RABAC1: variants seen among roughly 807,000 people sequenced by gnomAD.
The protein encoded by RABAC1 is prenylated Rab acceptor protein 1.
In RABAC1, 16 loss-of-function variants were observed where a neutral mutation model predicts 22.9. The observed-to-expected ratio is 0.70, with a 90% CI of 0.47 to 1.06. RABAC1 has a LOEUF of 1.06. Ranked by LOEUF, RABAC1 falls within the 50% of genes least tolerant of loss-of-function variation. The pLI, the probability that RABAC1 is intolerant of heterozygous loss-of-function variation, is 0.00. For synonymous variants in RABAC1, 139 were observed against 107.7 expected (o/e 1.29, Z -1.80); for missense variants, 227 against 246.5 (o/e 0.92, Z 0.53).
chr19:41,958,532 G>C (rs1429217078), intron 2 of RABAC1, 149 bp from the exon 3 acceptor site: 3 of 919,842 alleles, frequency 3.3e-6, no homozygotes, highest in Admixed American at 2.2e-5. Flanking sequence ...TCCTGGCCAG[G>C]GTGATGGTGG....
intron 3 of RABAC1, 64 bp downstream of exon 3, chr19:41,958,222 G>T: frequency 6.8e-7 from 1 of 1,473,450 alleles, no homozygotes; most frequent in Non-Finnish European, 9.3e-7. Flanking sequence ...TCTGAGGTCT[G>T]TCTGCATTCC....
rs1555856789 is a variant in RABAC1, at chr19:41,957,044, G to A, written c.443C>T (p.Ala148Val). Residue 148 changes from alanine (A) to valine (V), a missense_variant, in exon 4 of 5, where the codon GCG (alanine) becomes GTG (valine). Ala to Val is a moderately conservative substitution (Grantham distance 64). Transcript: ENST00000222008. ...ISFPFFWLAG[A>V]GSAVFWVLGA... Reference sequence around the variant, plus strand: ...CAGCACCCAGAAGACGGCCGAGCCCGCACCAGCCAGCCAGAAGAAGGGGAA... The same window carrying A: ...CAGCACCCAGAAGACGGCCGAGCCCACACCAGCCAGCCAGAAGAAGGGGAA... 9.3e-6 allele frequency: 15 copies of A among 1,613,710 alleles called. No individual in the cohort carries two copies. The highest frequency in any genetic ancestry group is 2.2e-5 in the East Asian group (1 of 44,898).
At chr19:41,958,995 A>T in intron 1 of RABAC1, 47 bp from the exon 2 acceptor site, 1 of 1,497,710 alleles carries the variant, frequency 6.7e-7, no homozygotes, top group Non-Finnish European at 8.9e-7. Context: ...ATGGAGCCCC[A>T]GACCCCCGCA....
Position 41,957,058 on chromosome 19 carries a change from G to A in RABAC1, c.429C>T (p.Phe143=). 6.2e-7 allele frequency: 1 copy of A among 1,613,856 alleles called. No individual in the cohort carries two copies. Among genetic ancestry groups the A allele is most frequent in the South Asian group, 1.1e-5 (1 of 91,080 alleles). Residue 143 remains phenylalanine (F), a synonymous_variant, in exon 4 of 5, where the codon TTC becomes TTT. Coordinates refer to ENST00000222008, the MANE Select transcript of RABAC1 (RefSeq NM_006423.3). ...ALAGGISFPF[F]WLAGAGSAVF... ...CGGCCGAGCCCGCACCAGCCAGCCA[G>A]AAGAAGGGGAAGGAGATGCCTCCAG...
chr19:41,957,149 C>G, intron 3 of RABAC1, 30 bp from the exon 4 acceptor site: 1 of 1,576,880 alleles, frequency 6.3e-7, no homozygotes, highest in Non-Finnish European at 8.7e-7. Flanking sequence ...GGGTGCTGTT[C>G]CGACTCTCCA....
chr19:41,958,125 T>G, intron 3 of RABAC1, 161 bp downstream of exon 3: 3 of 641,940 alleles, frequency 4.7e-6, no homozygotes, highest in Non-Finnish European at 5.5e-6. Context: ...ATCGGTTGTG[T>G]CTGAGATTTT....
In RABAC1 at chr19:41,956,749, G is replaced by T; in HGVS notation, c.*97C>A. ...GGATCCCTCCCCGGGCTTGTGATGGGACGGCGCTGTGGGCCCGAGCAGCAG... is the reference window on the plus strand; with the variant it reads ...GGATCCCTCCCCGGGCTTGTGATGGTACGGCGCTGTGGGCCCGAGCAGCAG... On this transcript the variant is annotated 3_prime_UTR_variant, in exon 5 of 5. Transcript: ENST00000222008. 8.8e-7 allele frequency: 1 copy of T among 1,142,238 alleles called. No individual in the cohort carries two copies. The highest frequency in any genetic ancestry group is 1.2e-6 in the Non-Finnish European group (1 of 810,708). 70.8% of individuals were successfully genotyped at this position (1,142,238 alleles called of 1,614,324 possible). A position where few individuals can be genotyped will look rare whatever the true frequency, so the allele number is the denominator to read the frequency against.
At chr19:41,957,285 G>A in intron 3 of RABAC1, 166 bp from the exon 4 acceptor site, 1 of 615,806 alleles carries the variant, frequency 1.6e-6, no homozygotes, top group Non-Finnish European at 2.9e-6. Context: ...TTCCCCTGCT[G>A]TCCCCACTGC....
chr19:41,959,116 G>C, intron 1 of RABAC1, 121 bp downstream of exon 1: 3 of 1,433,998 alleles, frequency 2.1e-6, no homozygotes, highest in Middle Eastern at 4.4e-4. Context: ...AGAGGAGACC[G>C]GGGCCAACAC....
intron 2 of RABAC1, among the ~76,000 whole-genome samples, 173 bp downstream of exon 2, chr19:41,958,563 G>A (rs1230217397): frequency 6.6e-6 from 1 of 152,164 alleles, no homozygotes; most frequent in East Asian, 1.9e-4. Context: ...CTGGCCCTTT[G>A]GTGACAAGGT....
In RABAC1 at chr19:41,956,765, C is replaced by T; in HGVS notation, c.*81G>A. 6.0e-6 allele frequency: 8 copies of T among 1,330,864 alleles called. No individual in the cohort carries two copies. The highest frequency in any genetic ancestry group is 4.9e-5 in the East Asian group (2 of 41,056). 82.4% of individuals were successfully genotyped at this position (1,330,864 alleles called of 1,614,324 possible). Reference sequence around the variant, plus strand: ...TTGTGATGGGACGGCGCTGTGGGCCCGAGCAGCAGAGCCGTGCAGGACAGG... The same window carrying T: ...TTGTGATGGGACGGCGCTGTGGGCCTGAGCAGCAGAGCCGTGCAGGACAGG... On this transcript the variant is annotated 3_prime_UTR_variant, in exon 5 of 5. Transcript: ENST00000222008.
At chr19:41,959,019 A>C (rs2075003664) in intron 1 of RABAC1, 71 bp from the exon 2 acceptor site, 1 of 1,448,702 alleles carries the variant, frequency 6.9e-7, no homozygotes, top group Admixed American at 2.3e-5. Flanking sequence ...GAAGGGGACT[A>C]AGGGTGCCTG....
In RABAC1 at chr19:41,956,849, C is replaced by T; in HGVS notation, c.555G>A (p.Val185=). The change falls in exon 5 of 5, where the codon GTG becomes GTA. Residue 185 remains valine (V), a synonymous_variant. Transcript: ENST00000222008. ...CCGGCAGGTCCCAGAAGACACCTCA[C>T]ACGGGTTCCATCTGCAGCTCCTCCC... ...VDGEELQMEP[V] is the part of the protein sequence containing the mutation. The T allele has an allele frequency of 4.3e-6, 7 of 1,610,056 alleles. No individual in the cohort carries two copies. Among genetic ancestry groups the T allele is most frequent in the Non-Finnish European group, 5.9e-6 (7 of 1,178,376 alleles).
rs1555857148 is a variant in RABAC1, at chr19:41,958,809, G to A, written c.196C>T (p.Arg66Cys). 6.2e-7 allele frequency: 1 copy of A among 1,611,700 alleles called. No homozygotes were observed. The highest frequency in any genetic ancestry group is 8.5e-7 in the Non-Finnish European group (1 of 1,179,838). Residue 66 changes from arginine (R) to cysteine (C), a missense_variant, in exon 2 of 5, where the codon CGC (arginine) becomes TGC (cysteine). Coordinates refer to ENST00000222008, the MANE Select transcript of RABAC1 (RefSeq NM_006423.3). ...RPRNLGELCQ[R>C]LVRNVEYYQS... ...TAGTACTCCACGTTGCGTACGAGGC[G>A]CTGGCACAGCTCTCCCAGGTTGCGG...
At position 41,956,862 on chromosome 19, in the gene RABAC1, T is replaced by G; in HGVS notation, c.542A>C (p.Gln181Pro). 2.5e-6 allele frequency: 4 copies of G among 1,611,698 alleles called. No individual in the cohort carries two copies. Among genetic ancestry groups the G allele is most frequent in the Non-Finnish European group, 3.4e-6 (4 of 1,179,150 alleles). The change falls in exon 5 of 5, where the codon CAG (glutamine) becomes CCG (proline). Residue 181 changes from glutamine (Q) to proline (P), a missense_variant. Gln to Pro is a moderately conservative substitution (Grantham distance 76, BLOSUM62 -1). Transcript: ENST00000222008. ...QIEAVDGEEL[Q>P]MEPV Reference sequence around the variant, plus strand: ...GAAGACACCTCACACGGGTTCCATCTGCAGCTCCTCCCCGTCCACAGCCTC... The same window carrying G: ...GAAGACACCTCACACGGGTTCCATCGGCAGCTCCTCCCCGTCCACAGCCTC...
At chr19:41,958,527 G>A in intron 2 of RABAC1, 144 bp from the exon 3 acceptor site, 1 of 941,290 alleles carries the variant, frequency 1.1e-6, no homozygotes, top group Non-Finnish European at 1.6e-6. Flanking sequence ...CTGCATCCTG[G>A]CCAGGGTGAT....
chr19:41,956,805 G>A lies in RABAC1; in HGVS notation c.*41C>T. 6.4e-7 allele frequency: 1 copy of A among 1,552,996 alleles called. No individual in the cohort carries two copies. The highest frequency in any genetic ancestry group is 8.8e-7 in the Non-Finnish European group (1 of 1,140,248). On this transcript the variant is annotated 3_prime_UTR_variant, in exon 5 of 5. Transcript: ENST00000222008. ...TGCAGGACAGGCATGGGCAGGGGTG[G>A]GGCAGCTGGCCCGGGAGGCCGGCAG...
chr19:41,958,843 G>A lies in RABAC1; in HGVS notation c.162C>T (p.Phe54=), dbSNP rs1306101070. Residue 54 remains phenylalanine, a synonymous_variant, in exon 2 of 5, where the codon TTC becomes TTT. Transcript: ENST00000222008. ...PWSTFVDQQR[F]SRPRNLGELC... is the part of the protein sequence containing the mutation. ...GCTCTCCCAGGTTGCGGGGCCGTGA[G>A]AAGCGCTGCTGGTCCACGAAGGTGC... 6.2e-7 allele frequency: 1 copy of A among 1,609,414 alleles called. No homozygotes were observed. Among genetic ancestry groups the A allele is most frequent in the South Asian group, 1.1e-5 (1 of 90,998 alleles).
chr19:41,957,943 T>C (rs1568847060), intron 3 of RABAC1: 1 of 299,352 alleles, frequency 3.3e-6, no homozygotes, highest in Non-Finnish European at 6.6e-6. Context: ...GGTGGCCACC[T>C]GGTGTCCAGT....
Sources: gnomAD v4.1 joint callset for allele counts (sites outside exome capture counted in the v4.1 genomes callset) on GRCh38, gnomAD v4.1.1 for gene constraint, MANE v1.5 for transcripts, NCBI Gene and HGNC (gene_info 2026-07-23, HGNC 2026-07-21) for gene names.